The following PAX5 variants were observed in gnomAD, a reference collection of about 807,000 sequenced individuals.
PAX5 encodes the protein paired box protein Pax-5.
In PAX5, 9 loss-of-function variants were observed where a neutral mutation model predicts 43.7. The observed-to-expected ratio is 0.21, with a 90% CI of 0.12 to 0.36. PAX5 has a LOEUF of 0.36. Among genes scored for constraint, PAX5 ranks in the 10% least tolerant of loss-of-function variants. PAX5 has a pLI of 1.00. For missense variants in PAX5, 383 were observed against 532.7 expected, an observed-to-expected ratio of 0.72 and a Z score of 2.77; for synonymous variants, 228 against 214.3, an observed-to-expected ratio of 1.06 and a Z score of -0.56.
chr9:36,889,337 T>C (rs1379931514), intron 7 of PAX5, among the ~76,000 whole-genome samples: 1 of 152,232 alleles, frequency 6.6e-6, no homozygotes, highest in Non-Finnish European at 1.5e-5. Flanking sequence ...CGGCTGATAA[T>C]AATAACAATA....
intron 8 of PAX5, among the ~76,000 whole-genome samples, chr9:36,877,544 G>A (rs1826026323): frequency 1.3e-5 from 2 of 152,194 alleles, no homozygotes; most frequent in Admixed American, 6.5e-5. Flanking sequence ...ACAAAAGCAA[G>A]AGACACAGGT....
chr9:36,893,080 G>A (rs1001983567), intron 7 of PAX5, among the ~76,000 whole-genome samples: 1 of 152,132 alleles, frequency 6.6e-6, no homozygotes, highest in African/African-American at 2.4e-5. Context: ...AACCACATGT[G>A]TGTATTACTT....
In PAX5 at chr9:36,970,477, C is replaced by T. The variant is rs573091041; in HGVS notation, c.605-3753G>A. 3.9e-5 allele frequency among the ~76,000 whole-genome samples: 6 copies of T among 152,230 alleles called. No individual in the cohort carries two copies. In the South Asian group the frequency reaches 1.2e-3, roughly 32 times the overall value. ...TTGCTGCAGGAGTCTTGAGGAGCTACGGGAAGGGCTGGGGAAACATGTGCC... is the reference window on the plus strand; with the variant it reads ...TTGCTGCAGGAGTCTTGAGGAGCTATGGGAAGGGCTGGGGAAACATGTGCC... On this transcript the variant is annotated intron_variant, in intron 5 of 9. Transcript: ENST00000358127.
intron 7 of PAX5, among the ~76,000 whole-genome samples, chr9:36,904,914 G>C (rs1230357493): frequency 6.6e-6 from 1 of 152,204 alleles, no homozygotes; most frequent in Non-Finnish European, 1.5e-5. Flanking sequence ...AGAAGGCAGA[G>C]ACAATTCAGA....
intron 8 of PAX5, among the ~76,000 whole-genome samples, chr9:36,864,671 C>T (rs1345902835): frequency 1.3e-5 from 2 of 152,222 alleles, no homozygotes; most frequent in East Asian, 3.9e-4. Flanking sequence ...GGCCTGCCTG[C>T]CTCCTCCGGC....
rs1821673850 is a variant in PAX5, at chr9:36,836,786, G to C, written c.*3774C>G. On this transcript the variant is annotated 3_prime_UTR_variant, in exon 10 of 10. Transcript: ENST00000358127. ...GTTCCAAAGTGCGAAGGCAAAGAAAGGGAAGTGGGGGACAGCACATGACCT... is the reference window on the plus strand; with the variant it reads ...GTTCCAAAGTGCGAAGGCAAAGAAACGGAAGTGGGGGACAGCACATGACCT... 4.3e-6 allele frequency: 1 copy of C among 232,158 alleles called. No homozygotes were observed. The highest frequency in any genetic ancestry group is 2.2e-5 in the African/African-American group (1 of 45,252). The allele number at this position is 232,158 out of a possible 1,614,324, so 14.4% of individuals were successfully genotyped here.
At chr9:36,876,619 A>G (rs1475970681) in intron 8 of PAX5, among the ~76,000 whole-genome samples, 1 of 152,252 alleles carries the variant, frequency 6.6e-6, no homozygotes, top group Non-Finnish European at 1.5e-5. Flanking sequence ...TGGTTACACC[A>G]ATCAAGACAC....
intron 8 of PAX5, among the ~76,000 whole-genome samples, chr9:36,863,906 C>T (rs1416983044): frequency 5.3e-5 from 8 of 152,184 alleles, no homozygotes; most frequent in South Asian, 2.1e-4. Flanking sequence ...GTCAGGAGCT[C>T]AAGACCAGCC....
intron 1 of PAX5, among the ~76,000 whole-genome samples, chr9:37,022,251 T>C (rs1839915238): frequency 1.3e-5 from 2 of 152,214 alleles, no homozygotes; most frequent in South Asian, 2.1e-4. Flanking sequence ...ATGATCTTTA[T>C]TCAGTTTTGA....
intron 9 of PAX5, among the ~76,000 whole-genome samples, chr9:36,841,616 G>T (rs532166651): frequency 1.3e-5 from 2 of 152,370 alleles, no homozygotes; most frequent in East Asian, 1.9e-4. Context: ...CTTCCTGGGA[G>T]TCTGTCCCCA....
intron 1 of PAX5, chr9:37,026,478 C>A (rs1588269220): frequency 7.7e-7 from 1 of 1,299,680 alleles, no homozygotes; most frequent in African/African-American, 1.5e-5. Flanking sequence ...CGGTCCGGCA[C>A]CCCCAACCCG....
chr9:36,909,053 A>T (rs1587938903), intron 7 of PAX5, among the ~76,000 whole-genome samples: 1 of 152,238 alleles, frequency 6.6e-6, no homozygotes, highest in African/African-American at 2.4e-5. Flanking sequence ...CGGCTTTAAA[A>T]TGATCGGACC....
intron 7 of PAX5, among the ~76,000 whole-genome samples, chr9:36,907,396 G>A (rs189500001): frequency 6.6e-5 from 10 of 152,178 alleles, no homozygotes; most frequent in East Asian, 1.9e-4. Context: ...CTCCCTCCCC[G>A]CATAGCATGG....
chr9:37,017,937 C>T (rs1839531094), intron 2 of PAX5, among the ~76,000 whole-genome samples: 1 of 152,228 alleles, frequency 6.6e-6, no homozygotes, highest in East Asian at 1.9e-4. Context: ...CCGTGCAGCC[C>T]CTTGGCTTAC....
intron 7 of PAX5, among the ~76,000 whole-genome samples, chr9:36,897,023 A>G (rs1020497342): frequency 2.0e-5 from 3 of 152,202 alleles, no homozygotes; most frequent in Non-Finnish European, 4.4e-5. Flanking sequence ...GCACTGAAAC[A>G]GGGCCTCAGT....
At chr9:36,970,948 A>T (rs188211656) in intron 5 of PAX5, among the ~76,000 whole-genome samples, 1 of 152,300 alleles carries the variant, frequency 6.6e-6, no homozygotes, top group East Asian at 1.9e-4. Flanking sequence ...TCCAAAGCGA[A>T]TATCTGTGGA....
intron 7 of PAX5, among the ~76,000 whole-genome samples, chr9:36,914,156 A>C (rs188519822): frequency 6.6e-6 from 1 of 152,368 alleles, no homozygotes; most frequent in African/African-American, 2.4e-5. Flanking sequence ...CATTCTTCAC[A>C]ACTCTCCTGT....
chr9:36,974,673 C>A (rs536258154), intron 5 of PAX5, among the ~76,000 whole-genome samples: 1 of 152,232 alleles, frequency 6.6e-6, no homozygotes, highest in South Asian at 2.1e-4. Context: ...CAGGACAATT[C>A]GTGGGGCTTT....
intron 8 of PAX5, among the ~76,000 whole-genome samples, chr9:36,848,278 AG>A (rs925020532): frequency 1.3e-5 from 2 of 151,220 alleles, no homozygotes; most frequent in Admixed American, 6.6e-5. Context: ...GGCAGGACTG[AG>A]GGGCCAGCCA....
Sources: allele counts gnomAD v4.1 joint callset (sites outside exome capture counted in the v4.1 genomes callset), GRCh38; gene constraint gnomAD v4.1.1; transcripts MANE v1.5; gene names NCBI Gene and HGNC (gene_info 2026-07-23, HGNC 2026-07-21).